PHLPP2: variants seen among roughly 807,000 people sequenced by gnomAD.
PHLPP2 encodes the protein PH domain and leucine rich repeat protein phosphatase 2, also known as PH domain leucine-rich repeat-containing protein phosphatase 2.
Under a neutral mutation model 124.9 loss-of-function variants are expected in PHLPP2, and 66 were observed. The ratio of observed to expected loss-of-function variants is 0.53; its 90% confidence interval spans 0.43 to 0.65. PHLPP2 has a LOEUF of 0.65. Ranked by LOEUF, PHLPP2 falls within the 30% of genes least tolerant of loss-of-function variation. PHLPP2 has a pLI of 0.00. For synonymous variants in PHLPP2, 681 were observed against 624.7 expected (o/e 1.09, Z -1.34); for missense variants, 1,685 against 1,600.4 (o/e 1.05, Z -0.90).
intron 17 of PHLPP2, 114 bp downstream of exon 17, chr16:71,655,126 G>C (rs1448627555): frequency 6.9e-6 from 5 of 722,884 alleles, no homozygotes; most frequent in Non-Finnish European, 1.2e-5. Flanking sequence ...AGACAACAAC[G>C]TGAGTTCTCT....
intron 17 of PHLPP2, among the ~76,000 whole-genome samples, chr16:71,654,176 C>G (rs941492538): frequency 1.9e-5 from 2 of 104,668 alleles, no homozygotes; most frequent in African/African-American, 7.3e-5. Context: ...GCCTGGGGGA[C>G]AGAGCAAGAA....
chr16:71,659,804 TA>T (rs1171533959), intron 13 of PHLPP2, among the ~76,000 whole-genome samples: 1 of 152,166 alleles, frequency 6.6e-6, no homozygotes, highest in Non-Finnish European at 1.5e-5. Flanking sequence ...ATTACAAAAA[TA>T]ATAAACTGCT....
At chr16:71,723,481 A>C in intron 1 of PHLPP2, 1 of 156,240 alleles carries the variant, frequency 6.4e-6, no homozygotes. Flanking sequence ...GGCGGCGGCT[A>C]CCCGCAGCCC....
chr16:71,652,850 G>C lies in PHLPP2; in HGVS notation c.2757C>G (p.Ser919Arg). ...GKPVPLSKVF[S>R]LEQDPEEAQR... Reference sequence around the variant, plus strand: ...GAGCCTCCTCTGGGTCCTGCTCCAGGCTGAAGACTTTAGAGAGGGGCACTG... The same window carrying C: ...GAGCCTCCTCTGGGTCCTGCTCCAGCCTGAAGACTTTAGAGAGGGGCACTG... Residue 919 changes from serine (S) to arginine (R), a missense_variant, in exon 18 of 19, where the codon AGC becomes AGG. By Grantham distance (110) the Ser-to-Arg change is moderately radical. Transcript: ENST00000568954. 1 of 1,614,138 alleles carries C rather than the reference G, an allele frequency of 6.2e-7. No individual in the cohort carries two copies.
intron 1 of PHLPP2, among the ~76,000 whole-genome samples, chr16:71,717,904 T>C (rs111625376): frequency 5.9e-5 from 9 of 152,274 alleles, no homozygotes; most frequent in African/African-American, 1.4e-4. Flanking sequence ...AAGTTTTGTT[T>C]GTTTTGAGAC....
chr16:71,723,934 C>T (rs111334255), intron 1 of PHLPP2: 3 of 560,068 alleles, frequency 5.4e-6, no homozygotes, highest in African/African-American at 4.1e-5. Flanking sequence ...GCGGCGCGCG[C>T]GAGCAACCGG....
intron 12 of PHLPP2, among the ~76,000 whole-genome samples, chr16:71,665,249 G>A (rs954272487): frequency 2.6e-5 from 4 of 152,174 alleles, no homozygotes; most frequent in Non-Finnish European, 5.9e-5. Flanking sequence ...GGCGGAGGTT[G>A]CAGTGAGCTG....
intron 2 of PHLPP2, among the ~76,000 whole-genome samples, chr16:71,708,539 C>T (rs1486066028): frequency 2.6e-5 from 4 of 152,194 alleles, no homozygotes; most frequent in African/African-American, 7.2e-5. Context: ...TCACACAAAG[C>T]CTGTTTGGTG....
chr16:71,684,473 C>T lies in PHLPP2; in HGVS notation c.735+3G>A. ...CACATCAGAACATCCCATTACTTTT[C>T]ACCTTGGATGCTTGCCGTTGCCATC... On this transcript the variant is annotated splice_donor_region_variant and intron_variant, in intron 5 of 18. Transcript: ENST00000568954. 1 of 1,613,838 alleles carries T rather than the reference C, an allele frequency of 6.2e-7. No individual in the cohort carries two copies. Among genetic ancestry groups the T allele is most frequent in the Non-Finnish European group, 8.5e-7 (1 of 1,179,874 alleles).
In PHLPP2 at chr16:71,702,630, G is replaced by A. The variant is rs543129978; in HGVS notation, c.386C>T (p.Pro129Leu). The stretch of plus-strand genomic sequence containing the variant: ...AAATCGAATCATACAGCCGAGGTCA[G>A]GATTTGTAGCCTCCTCCTGTATGCG... ...PVRIQEEATNPDLGCMIRFYG... is the reference protein window; with the variant it reads ...PVRIQEEATNLDLGCMIRFYG... The change falls in exon 3 of 19, where the codon CCT becomes CTT. Residue 129 changes from proline to leucine, a missense_variant. Physicochemically the swap from Pro to Leu is moderately conservative, Grantham distance 98. Transcript: ENST00000568954. 1.9e-6 allele frequency: 3 copies of A among 1,611,032 alleles called. No individual in the cohort carries two copies. The highest frequency in any genetic ancestry group is 2.5e-6 in the Non-Finnish European group (3 of 1,179,170).
chr16:71,655,082 C>A, intron 17 of PHLPP2, 158 bp downstream of exon 17: 2 of 588,210 alleles, frequency 3.4e-6, no homozygotes, highest in East Asian at 2.7e-5. Context: ...CCGAAGTCCC[C>A]GCACTCCATG....
chr16:71,713,850 T>C (rs1374507243), intron 2 of PHLPP2, among the ~76,000 whole-genome samples: 4 of 151,868 alleles, frequency 2.6e-5, no homozygotes, highest in South Asian at 4.2e-4. Context: ...GCCTGGGTAG[T>C]TGGGGAATGA....
At chr16:71,698,498 C>T (rs147712993) in intron 3 of PHLPP2, 225 of 746,594 alleles carry the variant, frequency 3.0e-4, no homozygotes, top group Non-Finnish European at 4.4e-4. Flanking sequence ...CCAAAGGCAC[C>T]TCGCATACCT....
chr16:71,723,796 G>A, intron 1 of PHLPP2: 1 of 1,309,596 alleles, frequency 7.6e-7, no homozygotes, highest in Non-Finnish European at 9.8e-7. Flanking sequence ...CTCCCGGCCG[G>A]CGGCTCGCGG....
chr16:71,678,220 C>G (rs1306590884), intron 8 of PHLPP2: 1 of 152,294 alleles, frequency 6.6e-6, no homozygotes. Context: ...TGAGAACAAT[C>G]TTTGTCAAAG....
rs1361175892 is a variant in PHLPP2 at position 71,724,356 on chromosome 16, C to T, written c.-34G>A. ...TGGCAAGGCCTTTTCTCTTCCTTAT[C>T]AGAGATGCGTGCGACCTTCTTAAGC... On this transcript the variant is annotated 5_prime_UTR_variant, in exon 1 of 19. Transcript: ENST00000568954. 3.9e-5 allele frequency: 6 copies of T among 152,214 alleles called. No homozygotes were observed. Among genetic ancestry groups the T allele is most frequent in the Non-Finnish European group, 8.8e-5 (6 of 68,062 alleles). 9.4% of individuals were successfully genotyped at this position (152,214 alleles called of 1,614,324 possible).
At chr16:71,674,223 ACG>A (rs2044922802) in intron 9 of PHLPP2, among the ~76,000 whole-genome samples, 1 of 151,960 alleles carries the variant, frequency 6.6e-6, no homozygotes, top group African/African-American at 2.4e-5. Flanking sequence ...GATTACAGGC[ACG>A]CGCCACCATG....
chr16:71,679,062 G>A, intron 7 of PHLPP2, 77 bp from the exon 8 acceptor site: 1 of 794,866 alleles, frequency 1.3e-6, no homozygotes, highest in East Asian at 2.5e-5. Flanking sequence ...TAGGGATTCT[G>A]ATTTATGTCA....
At chr16:71,688,598 T>G (rs977993879) in intron 4 of PHLPP2, among the ~76,000 whole-genome samples, 1 of 149,732 alleles carries the variant, frequency 6.7e-6, no homozygotes, top group African/African-American at 2.5e-5. Context: ...AGTATTAAAT[T>G]TCTCTGTGGG....
Sources: allele counts gnomAD v4.1 joint callset (sites outside exome capture counted in the v4.1 genomes callset), GRCh38; gene constraint gnomAD v4.1.1; transcripts MANE v1.5; gene names NCBI Gene and HGNC (gene_info 2026-07-23, HGNC 2026-07-21).